CGNL1: variants seen among roughly 807,000 people sequenced by gnomAD.
The protein encoded by CGNL1 is cingulin like 1.
Under a neutral mutation model 141.2 loss-of-function variants are expected in CGNL1, and 132 were observed. The ratio of observed to expected loss-of-function variants is 0.93; its 90% CI spans 0.81 to 1.08. The LOEUF is 1.08. Ranked by LOEUF, CGNL1 falls within the 50% of genes least tolerant of loss-of-function variation. CGNL1 has a pLI of 0.00. For synonymous variants in CGNL1, 690 were observed against 622.1 expected, an observed-to-expected ratio of 1.11 and a Z score of -1.63; for missense variants, 1,870 against 1,588.6, an observed-to-expected ratio of 1.18 and a Z score of -3.01.
At chr15:57,415,802 T>C (rs1206866446) in intron 1 of CGNL1, among the ~76,000 whole-genome samples, 3 of 152,228 alleles carry the variant, frequency 2.0e-5, no homozygotes, top group African/African-American at 7.2e-5. Context: ...ATGATGCCTT[T>C]CAGAAATCCA....
At chr15:57,410,211 C>T (rs1005853664) in intron 1 of CGNL1, among the ~76,000 whole-genome samples, 3 of 152,218 alleles carry the variant, frequency 2.0e-5, no homozygotes, top group Admixed American at 6.5e-5. Flanking sequence ...CTAGGTCTGT[C>T]AGTTGTCAGC....
chr15:57,385,055 A>C (rs1252550443), intron 1 of CGNL1, among the ~76,000 whole-genome samples: 2 of 152,220 alleles, frequency 1.3e-5, no homozygotes, highest in Non-Finnish European at 2.9e-5. Flanking sequence ...CCCGACACCC[A>C]GCTTGCAGAC....
chr15:57,446,851 T>A (rs1200223810), intron 4 of CGNL1, among the ~76,000 whole-genome samples: 1 of 152,134 alleles, frequency 6.6e-6, no homozygotes, highest in African/African-American at 2.4e-5. Context: ...TGGCTATATA[T>A]CCTCTGTAAT....
chr15:57,525,479 T>C lies in CGNL1; in HGVS notation c.3039+728T>C, dbSNP rs564143408. 2.0e-5 allele frequency among the ~76,000 whole-genome samples: 3 copies of C among 152,332 alleles called. 1 individual carries two copies. The highest frequency in any genetic ancestry group is 6.5e-5 in the Admixed American group (1 of 15,302). On this transcript the variant is annotated intron_variant, in intron 12 of 18. Transcript: ENST00000281282. ...TAACCCCAGTTTTCTGAGCATATGT[T>C]TCTACCTCTTTAAAAATATACCAAA... is the stretch of plus-strand genomic sequence containing the variant.
At chr15:57,543,424 C>T (rs561334407) in intron 14 of CGNL1, among the ~76,000 whole-genome samples, 11 of 152,324 alleles carry the variant, frequency 7.2e-5, no homozygotes, top group Admixed American at 3.9e-4. Context: ...AGGGCGTCAA[C>T]ATATCTTTTT....
chr15:57,414,784 C>T (rs954091537), intron 1 of CGNL1, among the ~76,000 whole-genome samples: 1 of 152,208 alleles, frequency 6.6e-6, no homozygotes, highest in African/African-American at 2.4e-5. Flanking sequence ...TTAGGGGCTT[C>T]AAATTCTCCT....
At position 57,545,519 on chromosome 15, in the gene CGNL1, C is replaced by T. The variant is rs560253968; in HGVS notation, c.3501-73C>T. 3.6e-6 allele frequency: 5 copies of T among 1,397,426 alleles called. No homozygotes were observed. The South Asian group carries it at 6.2e-5, about 17-fold the overall frequency. 86.6% of individuals were successfully genotyped at this position (1,397,426 alleles called of 1,614,324 possible). A position where few individuals can be genotyped will look rare whatever the true frequency, so the allele number is the denominator to read the frequency against. On this transcript the variant is annotated intron_variant, in intron 16 of 18. Transcript: ENST00000281282. The stretch of plus-strand genomic sequence containing the variant: ...GCACCCCTGGCTGGAGCTTCCCCTC[C>T]TCCACAGCCTAGGCTGGGCCCCCTG...
rs1316482823 is a variant in CGNL1, at chr15:57,391,977, C to CG, written c.-16+15410_-16+15411insG. ...AAACACCTTCACATTTTTCTTTCCC[C>CG]CCCCTCACCTGACACCATCACAATA... On this transcript the variant is annotated intron_variant, in intron 1 of 18. Transcript: ENST00000281282. Among the ~76,000 whole-genome samples, 7 of 151,354 alleles carry CG rather than the reference C, an allele frequency of 4.6e-5. No individual in the cohort carries two copies. The South Asian group carries it at 6.3e-4, about 14-fold the overall frequency.
At chr15:57,516,400 T>A (rs1393924434) in intron 8 of CGNL1, among the ~76,000 whole-genome samples, 2 of 152,108 alleles carry the variant, frequency 1.3e-5, no homozygotes, top group Non-Finnish European at 2.9e-5. Flanking sequence ...AAGGTCGAAA[T>A]CCCGTGTAAA....
intron 1 of CGNL1, among the ~76,000 whole-genome samples, chr15:57,424,228 C>T (rs1221955705): frequency 1.3e-5 from 2 of 152,204 alleles, no homozygotes; most frequent in Non-Finnish European, 2.9e-5. Context: ...TTGTTGTTCT[C>T]TCTACCTGGC....
At chr15:57,545,957 TG>T in intron 17 of CGNL1, 118 bp from the exon 18 acceptor site, 1 of 1,129,324 alleles carries the variant, frequency 8.9e-7, no homozygotes, top group Non-Finnish European at 1.3e-6. Flanking sequence ...CCCAAGAGAC[TG>T]GCTGCCCCAT....
intron 8 of CGNL1, among the ~76,000 whole-genome samples, chr15:57,485,781 A>G (rs149181007): frequency 5.3e-5 from 8 of 152,324 alleles, no homozygotes; most frequent in East Asian, 3.9e-4. Context: ...CTCTCTCACA[A>G]TACATTTGGA....
At position 57,378,363 on chromosome 15, in the gene CGNL1, G is replaced by GT. The variant is rs71116514; in HGVS notation, c.-16+1831dup. On this transcript the variant is annotated intron_variant, in intron 1 of 18. Transcript: ENST00000281282. ...TTTCTTAGGGGGTGGCCCTCTATGT[G>GT]TTTTTTTTTTTTTTTTTTTTTTTTT... is the stretch of plus-strand genomic sequence containing the variant. 3.2e-3 allele frequency among the ~76,000 whole-genome samples: 107 copies of GT among 33,896 alleles called. 12 individuals carry two copies. Among genetic ancestry groups the GT allele is most frequent in the African/African-American group, 5.6e-3 (49 of 8,794 alleles). The allele number at this position is 33,896 out of a possible 152,430, so 22.2% of individuals were successfully genotyped here. A position where few individuals can be genotyped will look rare whatever the true frequency, so the allele number is the denominator to read the frequency against.
intron 1 of CGNL1, among the ~76,000 whole-genome samples, chr15:57,387,761 G>A (rs16977451): frequency 0.018 from 2,689 of 152,282 alleles, 47 homozygotes; most frequent in Non-Finnish European, 0.026. Flanking sequence ...TACATTTGAC[G>A]CCACTGCAGG....
At chr15:57,503,149 G>T (rs1393408439) in intron 8 of CGNL1, among the ~76,000 whole-genome samples, 1 of 152,234 alleles carries the variant, frequency 6.6e-6, no homozygotes, top group African/African-American at 2.4e-5. Flanking sequence ...ACCATTAATT[G>T]TCAAAGCCAG....
intron 1 of CGNL1, among the ~76,000 whole-genome samples, chr15:57,397,271 A>G (rs2062613100): frequency 1.3e-5 from 2 of 152,174 alleles, no homozygotes; most frequent in Admixed American, 1.3e-4. Flanking sequence ...GCCTTGAAGT[A>G]GAGAGCCAAT....
chr15:57,524,767 A>G lies in CGNL1; in HGVS notation c.3039+16A>G, dbSNP rs181118492. On this transcript the variant is annotated intron_variant, in intron 12 of 18. Coordinates refer to ENST00000281282, the MANE Select transcript of CGNL1 (RefSeq NM_032866.5). Reference sequence around the variant, plus strand: ...GCAGGATGAGGTAATGCCTGGCCAGATAAGTTCTTCCTTTATCCCTTATTC... The same window carrying G: ...GCAGGATGAGGTAATGCCTGGCCAGGTAAGTTCTTCCTTTATCCCTTATTC... 45 of 1,612,744 alleles carry G rather than the reference A, an allele frequency of 2.8e-5. No homozygotes were observed. The highest frequency in any genetic ancestry group is 3.4e-5 in the Non-Finnish European group (40 of 1,179,312).
intron 8 of CGNL1, among the ~76,000 whole-genome samples, chr15:57,488,274 G>A (rs1013173442): frequency 6.6e-6 from 1 of 151,998 alleles, no homozygotes; most frequent in African/African-American, 2.4e-5. Flanking sequence ...AGTTGTAATG[G>A]TTCTTTATAT....
chr15:57,437,893 T>G, intron 1 of CGNL1, 92 bp from the exon 2 acceptor site: 2 of 1,211,908 alleles, frequency 1.7e-6, no homozygotes, highest in South Asian at 1.5e-5. Context: ...CTTTGAACTT[T>G]GAAGTTTCCC....
Sources: gnomAD v4.1 joint callset for allele counts (sites outside exome capture counted in the v4.1 genomes callset) on GRCh38, gnomAD v4.1.1 for gene constraint, MANE v1.5 for transcripts, NCBI Gene and HGNC (gene_info 2026-07-23, HGNC 2026-07-21) for gene names.